Variants in RELN observed in about 807,000 individuals in gnomAD.
RELN encodes reelin.
In RELN, 108 loss-of-function variants were observed where a neutral mutation model predicts 427.6. The ratio of observed to expected loss-of-function variants is 0.25; its 90% CI spans 0.22 to 0.30. The LOEUF (loss-of-function observed/expected upper bound fraction) is 0.30, where lower values mean the gene tolerates loss of function less well. Ranked by LOEUF, RELN falls within the 10% of genes least tolerant of loss-of-function variation. The pLI is 1.00. For synonymous variants in RELN, 1,524 were observed against 1,513.4 expected (o/e 1.01, Z -0.16); for missense variants, 3,715 against 4,302.8 (o/e 0.86, Z 3.82).
intron 34 of RELN, 73 bp downstream of exon 34, chr7:103,565,205 C>A: frequency 6.5e-7 from 1 of 1,528,276 alleles, no homozygotes; most frequent in East Asian, 2.2e-5. Context: ...ATCCCCAGGC[C>A]GAATCACAAT....
intron 41 of RELN, among the ~76,000 whole-genome samples, chr7:103,550,702 A>G (rs1030006320): frequency 2.6e-5 from 4 of 151,336 alleles, no homozygotes; most frequent in Non-Finnish European, 5.9e-5. Context: ...TGACAGACAT[A>G]GGCAGGTGTT....
rs530689982 is a variant in RELN, at chr7:103,564,638, A to C, written c.5210+640T>G. On this transcript the variant is annotated intron_variant, in intron 34 of 64. Coordinates refer to ENST00000428762, the MANE Select transcript of RELN (RefSeq NM_005045.4). ...GTCTGACAGATGTAGGAGGCTGGGA[A>C]ATGCAGCCTGCCATTCAGAACAGAG... 2.0e-5 allele frequency among the ~76,000 whole-genome samples: 3 copies of C among 152,058 alleles called. No individual in the cohort carries two copies. In the East Asian group the frequency reaches 5.8e-4, roughly 30 times the overall value.
At chr7:103,716,266 T>G (rs1789936285) in intron 8 of RELN, among the ~76,000 whole-genome samples, 1 of 152,206 alleles carries the variant, frequency 6.6e-6, no homozygotes, top group African/African-American at 2.4e-5. Flanking sequence ...TCCTCTGTAG[T>G]CTGCATCTGT....
chr7:103,484,070 G>T, intron 61 of RELN: 1 of 549,256 alleles, frequency 1.8e-6, no homozygotes, highest in South Asian at 2.1e-5. Flanking sequence ...AGTATAGACG[G>T]GGTTTTGACA....
chr7:103,831,906 G>A (rs181034489), intron 3 of RELN, among the ~76,000 whole-genome samples: 1 of 152,232 alleles, frequency 6.6e-6, no homozygotes, highest in African/African-American at 2.4e-5. Context: ...GGAAAAACGG[G>A]CGAGAGGTGA....
rs539924637 is a variant in RELN at position 103,707,893 on chromosome 7, C to T, written c.806-6887G>A. Among the ~76,000 whole-genome samples, 29 of 152,202 alleles carry T rather than the reference C, an allele frequency of 1.9e-4. No homozygotes were observed. The South Asian group carries it at 5.6e-3, about 29-fold the overall frequency. On this transcript the variant is annotated intron_variant, in intron 8 of 64. Transcript: ENST00000428762. Reference sequence around the variant, plus strand: ...AAGTTACAATTTTACCATAAAGAAACAAATAATATTTACCAGTGTAAAACA... The same window carrying T: ...AAGTTACAATTTTACCATAAAGAAATAAATAATATTTACCAGTGTAAAACA...
chr7:103,735,401 C>G (rs1388882804), intron 6 of RELN, among the ~76,000 whole-genome samples: 2 of 152,012 alleles, frequency 1.3e-5, no homozygotes, highest in East Asian at 3.9e-4. Context: ...AAAATATGCT[C>G]AACCACCCAT....
intron 2 of RELN, among the ~76,000 whole-genome samples, chr7:103,913,969 T>C (rs1795425355): frequency 6.6e-6 from 1 of 152,200 alleles, no homozygotes; most frequent in South Asian, 2.1e-4. Flanking sequence ...GCTATGGAAG[T>C]CGCTGATGGG....
rs76431821 is a variant in RELN, at chr7:103,565,555, A to G, written c.4937-4T>C. The G allele has an allele frequency of 9.8e-7, 1 of 1,023,942 alleles. No individual in the cohort carries two copies. The highest frequency in any genetic ancestry group is 1.3e-6 in the Non-Finnish European group (1 of 761,158). The allele number at this position is 1,023,942 out of a possible 1,614,324, so 63.4% of individuals were successfully genotyped here. A position where few individuals can be genotyped will look rare whatever the true frequency, so the allele number is the denominator to read the frequency against. On this transcript the variant is annotated splice_polypyrimidine_tract_variant and splice_region_variant and intron_variant, in intron 33 of 64. Transcript: ENST00000428762. ...GTCTCAGCATAACGAGGTTTTCCTG[A>G]AAAAAAAAAATGTGTAATGGTAGCA...
intron 3 of RELN, among the ~76,000 whole-genome samples, chr7:103,823,647 T>C (rs1793062177): frequency 6.6e-6 from 1 of 152,128 alleles, no homozygotes. Context: ...TGCCTTTAAA[T>C]TCTATCCTAA....
At position 103,968,284 on chromosome 7, in the gene RELN, A is replaced by T. The variant is rs1796697106; in HGVS notation, c.226+20847T>A. Among the ~76,000 whole-genome samples, 2 of 152,108 alleles carry T rather than the reference A, an allele frequency of 1.3e-5. No homozygotes were observed. The highest frequency in any genetic ancestry group is 1.3e-4 in the Admixed American group (2 of 15,270). On this transcript the variant is annotated intron_variant, in intron 1 of 64. Transcript: ENST00000428762. This position sits in a 1 kb window ranked among gnomAD's most constrained non-coding sequence, Gnocchi z 4.3. The stretch of plus-strand genomic sequence containing the variant: ...TCTTCACACAAATGACTTGTCAAAC[A>T]TGGCTGAAGGTAAGAGGAATGTCTT...
In RELN at chr7:103,636,423, C is replaced by T; in HGVS notation, c.2115G>A (p.Gln705=). Residue 705 remains glutamine, a synonymous_variant, in exon 18 of 65, where the codon CAG becomes CAA. Transcript: ENST00000428762. The part of the protein sequence containing the change: ...FSGPACEMAS[Q]TFPMFISESF... ...TTTCAGAAATAAACATTGGGAATGTCTGGGATGCCATCTCACAAGCTGGGC... is the reference window on the plus strand; with the variant it reads ...TTTCAGAAATAAACATTGGGAATGTTTGGGATGCCATCTCACAAGCTGGGC... 2 of 1,613,960 alleles carry T rather than the reference C, an allele frequency of 1.2e-6. No homozygotes were observed. The highest frequency in any genetic ancestry group is 1.7e-6 in the Non-Finnish European group (2 of 1,179,912).
At chr7:103,741,165 A>G (rs919871095) in intron 6 of RELN, among the ~76,000 whole-genome samples, 3 of 152,172 alleles carry the variant, frequency 2.0e-5, no homozygotes, top group Non-Finnish European at 4.4e-5. Context: ...TGGGAGAGTT[A>G]AAACTGCTTA....
intron 4 of RELN, among the ~76,000 whole-genome samples, chr7:103,768,363 A>T (rs940545547): frequency 5.0e-5 from 7 of 139,362 alleles, no homozygotes; most frequent in Middle Eastern, 3.7e-3. Flanking sequence ...CAGAGATATT[A>T]AAAAAAAAAA....
intron 17 of RELN, among the ~76,000 whole-genome samples, chr7:103,639,173 G>C (rs536020260): frequency 6.6e-6 from 1 of 152,206 alleles, no homozygotes; most frequent in East Asian, 1.9e-4. Flanking sequence ...GTTTTGGAAT[G>C]GGAGTTGGTA....
At chr7:103,708,831 C>T (rs937531806) in intron 8 of RELN, among the ~76,000 whole-genome samples, 1 of 152,116 alleles carries the variant, frequency 6.6e-6, no homozygotes, top group African/African-American at 2.4e-5. Flanking sequence ...CCCTCAGAGG[C>T]CTTACCCTGG....
intron 2 of RELN, among the ~76,000 whole-genome samples, chr7:103,872,450 A>T (rs1392060727): frequency 2.2e-5 from 3 of 133,526 alleles, no homozygotes; most frequent in Non-Finnish European, 3.3e-5. Flanking sequence ...CATTTTCTTA[A>T]TCCAGTCTAT....
intron 6 of RELN, 58 bp downstream of exon 6, chr7:103,749,368 A>C: frequency 7.9e-7 from 1 of 1,267,582 alleles, no homozygotes; most frequent in Non-Finnish European, 1.2e-6. Context: ...TTAAAGGAGC[A>C]GTCAGCATCA....
At chr7:103,977,310 C>CAAAAAAAAAAAAAAAGAAAAA (rs1796899590) in intron 1 of RELN, among the ~76,000 whole-genome samples, 1 of 88,278 alleles carries the variant, frequency 1.1e-5, no homozygotes, top group African/African-American at 5.2e-5. Context: ...GACTCTGTCT[C>CAAAAAAAAAAAAAAAGAAAAA]AAAAAAAAAA....
Sources: allele counts gnomAD v4.1 joint callset (sites outside exome capture counted in the v4.1 genomes callset), GRCh38; gene constraint gnomAD v4.1.1; non-coding constraint Gnocchi (gnomAD v3.1); transcripts MANE v1.5; gene names NCBI Gene and HGNC (gene_info 2026-07-23, HGNC 2026-07-21).